Variants in TNFAIP6 observed in about 807,000 individuals in gnomAD.
The protein encoded by TNFAIP6 is tumor necrosis factor-inducible gene 6 protein.
TNFAIP6 carries 36 observed loss-of-function variants against 33.7 expected under a neutral mutation model. The ratio of observed to expected loss-of-function variants is 1.07; its 90% CI spans 0.82 to 1.41. The LOEUF (loss-of-function observed/expected upper bound fraction) is 1.41. TNFAIP6 is among the 40% of genes most tolerant of loss of function. The pLI is 0.00. For missense variants in TNFAIP6, 273 were observed against 331.9 expected (o/e 0.82, Z 1.38); for synonymous variants, 113 against 112.8 (o/e 1.00, Z -0.01).
At chr2:151,377,858 G>T (rs1231883014) in intron 5 of TNFAIP6, among the ~76,000 whole-genome samples, 1 of 152,008 alleles carries the variant, frequency 6.6e-6, no homozygotes, top group Non-Finnish European at 1.5e-5. Context: ...GAGAATCAGA[G>T]CATGAACTCG....
intron 1 of TNFAIP6, among the ~76,000 whole-genome samples, chr2:151,360,495 A>T (rs564405115): frequency 6.6e-5 from 10 of 152,338 alleles, no homozygotes; most frequent in African/African-American, 2.4e-4. Context: ...TTTATTAAAC[A>T]AATTTTCAGT....
intron 3 of TNFAIP6, among the ~76,000 whole-genome samples, chr2:151,366,691 A>C (rs2152014523): frequency 6.6e-6 from 1 of 152,350 alleles, no homozygotes; most frequent in South Asian, 2.1e-4. Context: ...TACAACGGGG[A>C]AAAGGAGACA....
intron 4 of TNFAIP6, among the ~76,000 whole-genome samples, chr2:151,373,179 G>A (rs1160812007): frequency 2.0e-5 from 3 of 152,014 alleles, no homozygotes; most frequent in Admixed American, 6.6e-5. Flanking sequence ...TTAGCCAGGT[G>A]TGGTGCATGC....
At chr2:151,363,254 T>G (rs928078763) in intron 1 of TNFAIP6, among the ~76,000 whole-genome samples, 1 of 151,980 alleles carries the variant, frequency 6.6e-6, no homozygotes, top group African/African-American at 2.4e-5. Context: ...AGGCGGAGAT[T>G]GCAGTGAGCC....
intron 3 of TNFAIP6, among the ~76,000 whole-genome samples, chr2:151,367,227 C>G (rs1265915900): frequency 6.6e-6 from 1 of 152,012 alleles, no homozygotes; most frequent in Non-Finnish European, 1.5e-5. Context: ...AGATTTTTGC[C>G]TACAGCTACA....
At chr2:151,369,896 C>A in intron 3 of TNFAIP6, 124 bp from the exon 4 acceptor site, 1 of 678,604 alleles carries the variant, frequency 1.5e-6, no homozygotes, top group Non-Finnish European at 2.5e-6. Flanking sequence ...ACCATAGATG[C>A]TGTATACTAA....
intron 5 of TNFAIP6, among the ~76,000 whole-genome samples, chr2:151,378,926 C>T (rs1157858729): frequency 2.0e-5 from 3 of 151,734 alleles, no homozygotes; most frequent in Admixed American, 6.6e-5. Context: ...GGTGAAACCC[C>T]GTCTCTAGTA....
Position 151,379,538 on chromosome 2 carries a change from A to G in TNFAIP6, c.*5A>G. The G allele has an allele frequency of 6.5e-7, 1 of 1,544,178 alleles. No individual in the cohort carries two copies. The highest frequency in any genetic ancestry group is 1.2e-5 in the South Asian group (1 of 80,448). On this transcript the variant is annotated 3_prime_UTR_variant, in exon 6 of 6. Transcript: ENST00000243347. ...GGAAGATTTAGCCACTTATAAAAAA[A>G]AAAAAAAGGATGATCAAAACACACA...
At position 151,359,405 on chromosome 2, in the gene TNFAIP6, T is replaced by TTTTC. The variant is rs1553466301; in HGVS notation, c.94+1646_94+1647insTTCT. Among the ~76,000 whole-genome samples, 19 of 151,274 alleles carry TTTTC rather than the reference T, an allele frequency of 1.3e-4. 1 individual carries two copies. The highest frequency in any genetic ancestry group is 2.0e-4 in the Admixed American group (3 of 15,174). On this transcript the variant is annotated intron_variant, in intron 1 of 5. Transcript: ENST00000243347. ...CTCATAATTTTTTTTTTTTTTTTTT[T>TTTTC]TGAGGCAGAGTCTCGCTCTGTTGCC...
In TNFAIP6 at chr2:151,379,477, A is replaced by G. The variant is rs757631554; in HGVS notation, c.778A>G (p.Ser260Gly). The G allele has an allele frequency of 3.7e-6, 6 of 1,602,962 alleles. No homozygotes were observed. In the East Asian group the frequency reaches 1.4e-4, roughly 36 times the overall value. ...VSKSSQGKNTSTTSTGNKNFL... is the reference protein window; with the variant it reads ...VSKSSQGKNTGTTSTGNKNFL... ...CAAATCCAGTCAAGGAAAAAATACA[A>G]GTACTACTTCTACTGGAAATAAAAA... The change falls in exon 6 of 6, where the codon AGT becomes GGT. Residue 260 changes from serine to glycine, a missense_variant. Ser to Gly is a moderately conservative substitution (Grantham distance 56). Coordinates refer to ENST00000243347, the MANE Select transcript of TNFAIP6 (RefSeq NM_007115.4).
rs749666169 is a variant in TNFAIP6, at chr2:151,373,551, A to G, written c.626A>G (p.Tyr209Cys). Reference protein sequence around the residue: ...YDDVHGFVGRYCGDELPDDII... With the variant: ...YDDVHGFVGRCCGDELPDDII... ...CTTTTCTAAAAATTCCTTTTCAGAT[A>G]CTGTGGAGATGAGCTTCCAGATGAC... The change falls in exon 5 of 6, where the codon TAC becomes TGC. Residue 209 changes from tyrosine (Y) to cysteine (C), a missense_variant and splice_region_variant. Coordinates refer to ENST00000243347, the MANE Select transcript of TNFAIP6 (RefSeq NM_007115.4). 1.3e-6 allele frequency: 2 copies of G among 1,543,278 alleles called. No homozygotes were observed. The highest frequency in any genetic ancestry group is 3.7e-5 in the Admixed American group (2 of 53,698).
chr2:151,378,491 C>CTTT (rs35086162), intron 5 of TNFAIP6, among the ~76,000 whole-genome samples: 2 of 142,672 alleles, frequency 1.4e-5, no homozygotes, highest in African/African-American at 5.1e-5. Context: ...AGAGTATCTT[C>CTTT]TTTTTTTTTT....
intron 3 of TNFAIP6, 22 bp from the exon 4 acceptor site, chr2:151,369,998 G>T (rs56801020): frequency 6.4e-7 from 1 of 1,558,742 alleles, no homozygotes; most frequent in Non-Finnish European, 8.7e-7. Context: ...GGGTTTTTAC[G>T]TTTTTTTTCT....
intron 1 of TNFAIP6, among the ~76,000 whole-genome samples, chr2:151,359,357 GGAA>G (rs529387723): frequency 3.0e-4 from 45 of 151,354 alleles, no homozygotes; most frequent in Non-Finnish European, 4.7e-4. Flanking sequence ...GGGCCACATT[GGAA>G]GAAGAATTGT....
At chr2:151,360,158 TGTG>T (rs1684604578) in intron 1 of TNFAIP6, among the ~76,000 whole-genome samples, 1 of 151,862 alleles carries the variant, frequency 6.6e-6, no homozygotes, top group Non-Finnish European at 1.5e-5. Context: ...ATTAACTGGG[TGTG>T]GTGGTGCATG....
rs780559171 is a variant in TNFAIP6, at chr2:151,363,974, A to G, written c.126A>G (p.Ala42=). 13 of 1,614,048 alleles carry G rather than the reference A, an allele frequency of 8.1e-6. No individual in the cohort carries two copies. In the East Asian group the frequency reaches 2.7e-4, roughly 33 times the overall value. Residue 42 remains alanine (A), a synonymous_variant, in exon 2 of 6, where the codon GCA becomes GCG. Coordinates refer to ENST00000243347, the MANE Select transcript of TNFAIP6 (RefSeq NM_007115.4). ...CAGCCGGTGTGTACCACAGAGAAGCACGGTCTGGCAAATACAAGCTCACCT... is the reference window on the plus strand; with the variant it reads ...CAGCCGGTGTGTACCACAGAGAAGCGCGGTCTGGCAAATACAAGCTCACCT... ...ERAAGVYHRE[A]RSGKYKLTYA...
intron 1 of TNFAIP6, among the ~76,000 whole-genome samples, chr2:151,362,765 T>C (rs1283444326): frequency 7.2e-5 from 11 of 152,190 alleles, no homozygotes; most frequent in Admixed American, 4.6e-4. Context: ...GTTGGGATTA[T>C]AGGCGTGAGC....
chr2:151,379,539 A>T lies in TNFAIP6; in HGVS notation c.*6A>T. On this transcript the variant is annotated 3_prime_UTR_variant, in exon 6 of 6. Transcript: ENST00000243347. ...GAAGATTTAGCCACTTATAAAAAAA[A>T]AAAAAAGGATGATCAAAACACACAG... is the stretch of plus-strand genomic sequence containing the variant. 1 of 1,544,518 alleles carries T rather than the reference A, an allele frequency of 6.5e-7. No individual in the cohort carries two copies. Among genetic ancestry groups the T allele is most frequent in the East Asian group, 2.3e-5 (1 of 43,254 alleles).
intron 5 of TNFAIP6, among the ~76,000 whole-genome samples, chr2:151,377,758 A>G (rs1311442505): frequency 6.6e-6 from 1 of 151,904 alleles, no homozygotes; most frequent in East Asian, 1.9e-4. Flanking sequence ...TATATTAGAG[A>G]TATTAACCCT....
Sources: gnomAD v4.1 joint callset for allele counts (sites outside exome capture counted in the v4.1 genomes callset) on GRCh38, gnomAD v4.1.1 for gene constraint, MANE v1.5 for transcripts, NCBI Gene and HGNC (gene_info 2026-07-23, HGNC 2026-07-21) for gene names.